The following ATP6V1D variants were observed in gnomAD, a reference collection of about 807,000 sequenced individuals.
ATP6V1D encodes V-type proton ATPase subunit D.
Under a neutral mutation model 39.4 loss-of-function variants are expected in ATP6V1D, and 20 were observed. The ratio of observed to expected loss-of-function variants is 0.51; its 90% CI spans 0.36 to 0.74. The LOEUF is 0.74. Among genes scored for constraint, ATP6V1D ranks in the 30% least tolerant of loss-of-function variants. ATP6V1D has a pLI of 0.00. For synonymous variants in ATP6V1D, 100 were observed against 100.5 expected (o/e 0.99, Z 0.03); for missense variants, 228 against 291.6 (o/e 0.78, Z 1.59).
At chr14:67,354,421 G>T (rs2085672907) in intron 1 of ATP6V1D, among the ~76,000 whole-genome samples, 1 of 152,098 alleles carries the variant, frequency 6.6e-6, no homozygotes, top group Non-Finnish European at 1.5e-5. Flanking sequence ...AATTTTAAAT[G>T]CAATTATTTT....
rs766035325 is a variant in ATP6V1D, at chr14:67,347,500, C to G, written c.308-47G>C. The G allele has an allele frequency of 5.5e-5, 71 of 1,301,054 alleles. 2 individuals carry two copies. The South Asian group carries it at 9.3e-4, about 17-fold the overall frequency. The allele number at this position is 1,301,054 out of a possible 1,614,324, so 80.6% of individuals were successfully genotyped here. A position where few individuals can be genotyped will look rare whatever the true frequency, so the allele number is the denominator to read the frequency against. On this transcript the variant is annotated intron_variant, in intron 4 of 8. Transcript: ENST00000216442. ...ATGGATTCATAAACCTTTAAGTTCT[C>G]TCTTTTTTTTTTTTTTCTGAGACGG... is the stretch of plus-strand genomic sequence containing the variant.
In ATP6V1D at chr14:67,352,904, T is replaced by C. The variant is rs1165305198; in HGVS notation, c.159+19A>G. On this transcript the variant is annotated intron_variant, in intron 2 of 8. Coordinates refer to ENST00000216442, the MANE Select transcript of ATP6V1D (RefSeq NM_015994.4). ...GATTTTTCTAAAATAAATACTATTC[T>C]AAGAAAAGTTCATTCTACCTCTATT... The C allele has an allele frequency of 1.3e-6, 2 of 1,538,090 alleles. No homozygotes were observed. Among genetic ancestry groups the C allele is most frequent in the Non-Finnish European group, 1.8e-6 (2 of 1,120,468 alleles).
At chr14:67,340,186 T>TA (rs965079696) in intron 8 of ATP6V1D, 1,244 of 386,836 alleles carry the variant, frequency 3.2e-3, no homozygotes, top group Middle Eastern at 8.2e-3. Flanking sequence ...AACATATATT[T>TA]AAAAAAAAAA....
intron 7 of ATP6V1D, among the ~76,000 whole-genome samples, chr14:67,342,687 T>A (rs1207320063): frequency 6.7e-6 from 1 of 150,342 alleles, no homozygotes; most frequent in African/African-American, 2.4e-5. Flanking sequence ...ATAGTTAATA[T>A]AACAGTTAAT....
chr14:67,354,542 C>T (rs955058883), intron 1 of ATP6V1D, among the ~76,000 whole-genome samples: 1 of 151,980 alleles, frequency 6.6e-6, no homozygotes, highest in African/African-American at 2.4e-5. Context: ...ATGGTAATAG[C>T]AAAAGGGAGA....
In ATP6V1D at chr14:67,349,102, G is replaced by A; in HGVS notation, c.242C>T (p.Thr81Ile). 6.2e-7 allele frequency: 1 copy of A among 1,613,784 alleles called. No homozygotes were observed. The highest frequency in any genetic ancestry group is 8.5e-7 in the Non-Finnish European group (1 of 1,179,804). ...TTTATTGACATTTTGGATAACTGTA[G>A]TGCTGCAGAAAAAGAGAAAGACTTT... ...EAKFTAGDFSTTVIQNVNKAQ... is the reference protein window; with the variant it reads ...EAKFTAGDFSITVIQNVNKAQ... The change falls in exon 4 of 9, where the codon ACT (threonine) becomes ATT (isoleucine). Residue 81 changes from threonine (T) to isoleucine (I), a missense_variant and splice_region_variant. Thr to Ile is a moderately conservative substitution (Grantham distance 89). Transcript: ENST00000216442.
intron 2 of ATP6V1D, among the ~76,000 whole-genome samples, chr14:67,352,384 T>C (rs1045282691): frequency 6.8e-6 from 1 of 147,370 alleles, no homozygotes; most frequent in African/African-American, 2.5e-5. Context: ...GGTGGGAGGA[T>C]CACTGGAGCC....
At chr14:67,354,720 T>G (rs748578750) in intron 1 of ATP6V1D, among the ~76,000 whole-genome samples, 2 of 152,228 alleles carry the variant, frequency 1.3e-5, no homozygotes, top group Non-Finnish European at 2.9e-5. Context: ...CTAGAAAGGA[T>G]TCACAAAAAC....
chr14:67,343,351 C>T (rs372857927), intron 7 of ATP6V1D, 21 bp downstream of exon 7: 447 of 1,589,832 alleles, frequency 2.8e-4, no homozygotes, highest in Non-Finnish European at 3.7e-4. Context: ...GACAAAGCAC[C>T]TCACAGTACC....
chr14:67,345,688 G>T, intron 6 of ATP6V1D, 80 bp downstream of exon 6: 1 of 891,442 alleles, frequency 1.1e-6, no homozygotes, highest in Non-Finnish European at 1.9e-6. Context: ...CACAGTATAT[G>T]CTGACTCAAG....
intron 7 of ATP6V1D, among the ~76,000 whole-genome samples, chr14:67,342,712 ATAGT>A (rs2085594428): frequency 6.6e-6 from 1 of 150,786 alleles, no homozygotes. Context: ...TTCTAACAAT[ATAGT>A]TAATATATCA....
At chr14:67,345,372 C>CATGGCAAAA (rs2085613050) in intron 6 of ATP6V1D, among the ~76,000 whole-genome samples, 1 of 152,108 alleles carries the variant, frequency 6.6e-6, no homozygotes, top group Non-Finnish European at 1.5e-5. Context: ...GCCTGACAAA[C>CATGGCAAAA]ATGGCAAAAC....
chr14:67,355,967 A>G (rs2085682852), intron 1 of ATP6V1D, among the ~76,000 whole-genome samples: 1 of 152,186 alleles, frequency 6.6e-6, no homozygotes, highest in Admixed American at 6.5e-5. Context: ...ACTGCACTGC[A>G]GCCTGGACAA....
At chr14:67,343,691 C>T (rs532234050) in intron 6 of ATP6V1D, among the ~76,000 whole-genome samples, 1 of 152,278 alleles carries the variant, frequency 6.6e-6, no homozygotes, top group South Asian at 2.1e-4. Context: ...ACAATGAGAC[C>T]TTGCCTCTAC....
At chr14:67,341,225 T>G (rs1231213006) in intron 7 of ATP6V1D, among the ~76,000 whole-genome samples, 1 of 151,584 alleles carries the variant, frequency 6.6e-6, no homozygotes, top group African/African-American at 2.4e-5. Context: ...ATCTAGGAAG[T>G]GAGGAGCGTC....
chr14:67,355,344 T>G (rs1206849257), intron 1 of ATP6V1D, among the ~76,000 whole-genome samples: 1 of 143,168 alleles, frequency 7.0e-6, no homozygotes, highest in Non-Finnish European at 1.5e-5. Context: ...AATACCAAAG[T>G]CAAGCAGAAA....
At chr14:67,341,032 A>C (rs1259823115) in intron 7 of ATP6V1D, among the ~76,000 whole-genome samples, 1 of 150,626 alleles carries the variant, frequency 6.6e-6, no homozygotes, top group African/African-American at 2.4e-5. Context: ...TACAACCTCC[A>C]CCTCCCAGCC....
chr14:67,343,175 C>T (rs890163590), intron 7 of ATP6V1D, among the ~76,000 whole-genome samples, 197 bp downstream of exon 7: 1 of 152,174 alleles, frequency 6.6e-6, no homozygotes, highest in African/African-American at 2.4e-5. Context: ...TCCCCCAGAT[C>T]ATACAAGTAC....
chr14:67,355,562 G>A (rs1349859104), intron 1 of ATP6V1D, among the ~76,000 whole-genome samples: 6 of 150,844 alleles, frequency 4.0e-5, no homozygotes, highest in Admixed American at 1.3e-4. Context: ...AAGCAAACAT[G>A]GTGTTCACTT....
Sources: allele counts gnomAD v4.1 joint callset (sites outside exome capture counted in the v4.1 genomes callset), GRCh38; gene constraint gnomAD v4.1.1; transcripts MANE v1.5; gene names NCBI Gene and HGNC (gene_info 2026-07-23, HGNC 2026-07-21).